The following RFTN1 variants were observed in gnomAD, a reference collection of about 807,000 sequenced individuals.
The protein encoded by RFTN1 is raftlin, lipid raft linker 1.
RFTN1 carries 26 observed loss-of-function variants against 46.5 expected under a neutral mutation model. The ratio of observed to expected loss-of-function variants is 0.56; its 90% CI spans 0.41 to 0.78. RFTN1 has a LOEUF of 0.78. RFTN1 is among the 30% of genes least tolerant of loss of function. The pLI is 0.00. For missense variants in RFTN1, 693 were observed against 718.7 expected (o/e 0.96, Z 0.41); for synonymous variants, 261 against 284.2 (o/e 0.92, Z 0.82).
At chr3:16,372,647 T>G (rs548934321) in intron 5 of RFTN1, among the ~76,000 whole-genome samples, 2 of 152,222 alleles carry the variant, frequency 1.3e-5, no homozygotes, top group South Asian at 4.1e-4. Flanking sequence ...TCCCACTCAA[T>G]GGCAAGACAG....
At chr3:16,323,518 A>G (rs367754242) in intron 8 of RFTN1, 61 bp from the exon 9 acceptor site, 4 of 1,206,334 alleles carry the variant, frequency 3.3e-6, no homozygotes, top group African/African-American at 1.6e-5. Context: ...AAAACCTGAC[A>G]CAGATGTTGC....
chr3:16,369,388 T>C (rs73041416), intron 6 of RFTN1, among the ~76,000 whole-genome samples: 1 of 152,194 alleles, frequency 6.6e-6, no homozygotes, highest in Non-Finnish European at 1.5e-5. Flanking sequence ...TGCTGGCACG[T>C]TGGTCCCACT....
intron 1 of RFTN1, among the ~76,000 whole-genome samples, chr3:16,497,597 C>G (rs775988931): frequency 6.6e-6 from 1 of 152,232 alleles, no homozygotes; most frequent in Admixed American, 6.5e-5. Flanking sequence ...CTGCTGCATA[C>G]TCAGGCAGAC....
In RFTN1 at chr3:16,458,433, C is replaced by T. The variant is rs1231561945; in HGVS notation, c.146-24396G>A. 1.3e-5 allele frequency among the ~76,000 whole-genome samples: 2 copies of T among 152,226 alleles called. No homozygotes were observed. The highest frequency in any genetic ancestry group is 3.8e-4 in the East Asian group (2 of 5,200). On this transcript the variant is annotated intron_variant, in intron 2 of 9. Transcript: ENST00000334133. This position sits in a 1 kb window ranked among gnomAD's most constrained non-coding sequence, Gnocchi z 5.1. Reference sequence around the variant, plus strand: ...GTTTCTCTCACTGACATTTGGAAGACATTTTCCCTCCTCATGATGTGAATT... The same window carrying T: ...GTTTCTCTCACTGACATTTGGAAGATATTTTCCCTCCTCATGATGTGAATT...
In RFTN1 at chr3:16,327,039, T is replaced by C. The variant is rs534434959; in HGVS notation, c.1147-163A>G. Among the ~76,000 whole-genome samples the C allele has an allele frequency of 2.3e-4, 35 of 152,346 alleles. No individual in the cohort carries two copies. The East Asian group carries it at 4.8e-3, about 21-fold the overall frequency. On this transcript the variant is annotated intron_variant, in intron 7 of 9. Coordinates refer to ENST00000334133, the MANE Select transcript of RFTN1 (RefSeq NM_015150.2). This position sits in a 1 kb window ranked among gnomAD's most constrained non-coding sequence, Gnocchi z 4.2. ...GATGCTTGCTGAAGACTTTAAAAGTTTGGAGTCAAACTGCCAACATGGGAT... is the reference window on the plus strand; with the variant it reads ...GATGCTTGCTGAAGACTTTAAAAGTCTGGAGTCAAACTGCCAACATGGGAT...
Position 16,334,438 on chromosome 3 carries a change from G to C in RFTN1, c.1147-7562C>G, listed in dbSNP as rs578145626. Among the ~76,000 whole-genome samples, 2 of 152,250 alleles carry C rather than the reference G, an allele frequency of 1.3e-5. No individual in the cohort carries two copies. The highest frequency in any genetic ancestry group is 4.8e-5 in the African/African-American group (2 of 41,540). ...ATTTAACCTACGTATTAAAAAATGAGAAATGCACAGAGTTATTCACTGGAG... is the reference window on the plus strand; with the variant it reads ...ATTTAACCTACGTATTAAAAAATGACAAATGCACAGAGTTATTCACTGGAG... On this transcript the variant is annotated intron_variant, in intron 7 of 9. Transcript: ENST00000334133. The surrounding 1 kb of genome is among the most constrained non-coding windows in gnomAD (Gnocchi z 4.3).
rs2075606301 is a variant in RFTN1, at chr3:16,440,785, A to C, written c.146-6748T>G. Among the ~76,000 whole-genome samples the C allele has an allele frequency of 6.6e-6, 1 of 152,044 alleles. No individual in the cohort carries two copies. Among genetic ancestry groups the C allele is most frequent in the African/African-American group, 2.4e-5 (1 of 41,388 alleles). On this transcript the variant is annotated intron_variant, in intron 2 of 9. Coordinates refer to ENST00000334133, the MANE Select transcript of RFTN1 (RefSeq NM_015150.2). This position sits in a 1 kb window ranked among gnomAD's most constrained non-coding sequence, Gnocchi z 4.6. ...TCTTTAAATGTGACAAGTAACTGTAATTTTTTTCTCAATCCCATATGGCCA... is the reference window on the plus strand; with the variant it reads ...TCTTTAAATGTGACAAGTAACTGTACTTTTTTTCTCAATCCCATATGGCCA...
chr3:16,494,811 T>A (rs1448151566), intron 1 of RFTN1, among the ~76,000 whole-genome samples: 3 of 152,176 alleles, frequency 2.0e-5, no homozygotes, highest in Non-Finnish European at 4.4e-5. Flanking sequence ...GATGCTTTCC[T>A]CCTCTCTGGG....
At chr3:16,339,154 C>T (rs541330035) in intron 7 of RFTN1, among the ~76,000 whole-genome samples, 3 of 152,338 alleles carry the variant, frequency 2.0e-5, no homozygotes, top group African/African-American at 7.2e-5. Flanking sequence ...CTCTCCCTAA[C>T]TTTCTCTGCC....
intron 2 of RFTN1, among the ~76,000 whole-genome samples, chr3:16,492,661 G>A (rs549792522): frequency 2.6e-5 from 4 of 152,282 alleles, no homozygotes; most frequent in South Asian, 4.1e-4. Context: ...CCCAGTTTTT[G>A]CTCTCAAACT....
At chr3:16,501,348 C>G (rs934475988) in intron 1 of RFTN1, among the ~76,000 whole-genome samples, 1 of 152,164 alleles carries the variant, frequency 6.6e-6, no homozygotes, top group African/African-American at 2.4e-5. Flanking sequence ...AAAGGATCAC[C>G]TTCTTAAAAG....
At position 16,342,021 on chromosome 3, in the gene RFTN1, A is replaced by T. The variant is rs2071349847; in HGVS notation, c.1147-15145T>A. On this transcript the variant is annotated intron_variant, in intron 7 of 9. Transcript: ENST00000334133. The surrounding 1 kb of genome is among the most constrained non-coding windows in gnomAD (Gnocchi z 4.0). ...AAATTATCTTTAATGACCACTTGTC[A>T]CTTTTTTCAACATCTTTATTGATAT... Among the ~76,000 whole-genome samples the T allele has an allele frequency of 2.6e-5, 4 of 152,180 alleles. No homozygotes were observed. The highest frequency in any genetic ancestry group is 1.3e-4 in the Admixed American group (2 of 15,276).
chr3:16,482,748 G>A (rs1199995369), intron 2 of RFTN1: 4 of 1,534,276 alleles, frequency 2.6e-6, no homozygotes, highest in Non-Finnish European at 3.5e-6. Flanking sequence ...ATCAATACCA[G>A]CAGCATCCAA....
intron 5 of RFTN1, among the ~76,000 whole-genome samples, chr3:16,377,133 A>G (rs548733655): frequency 6.6e-6 from 1 of 152,028 alleles, no homozygotes; most frequent in Non-Finnish European, 1.5e-5. Context: ...ACGGAGGGAA[A>G]CTTTGCTCCC....
Position 16,483,556 on chromosome 3 carries a change from C to A in RFTN1, c.145+10169G>T, listed in dbSNP as rs1055038508. Among the ~76,000 whole-genome samples the A allele has an allele frequency of 1.3e-5, 2 of 152,160 alleles. No individual in the cohort carries two copies. The highest frequency in any genetic ancestry group is 4.8e-5 in the African/African-American group (2 of 41,434). ...CAGCTGGGCATGGGAACTTTTTAAA[C>A]AAACTTTGAGAATCATTGTGTCACC... On this transcript the variant is annotated intron_variant, in intron 2 of 9. Coordinates refer to ENST00000334133, the MANE Select transcript of RFTN1 (RefSeq NM_015150.2). The surrounding 1 kb of genome is among the most constrained non-coding windows in gnomAD (Gnocchi z 4.8).
chr3:16,354,731 C>G (rs2125326721), intron 7 of RFTN1, among the ~76,000 whole-genome samples: 1 of 152,364 alleles, frequency 6.6e-6, no homozygotes. Flanking sequence ...TTTTCACAAT[C>G]TTTAAGCTCT....
rs919339334 is a variant in RFTN1 at position 16,429,806 on chromosome 3, G to A, written c.332+4045C>T. Among the ~76,000 whole-genome samples the A allele has an allele frequency of 1.3e-5, 2 of 152,156 alleles. No homozygotes were observed. Among genetic ancestry groups the A allele is most frequent in the Non-Finnish European group, 1.5e-5 (1 of 68,026 alleles). On this transcript the variant is annotated intron_variant, in intron 3 of 9. Transcript: ENST00000334133. The surrounding 1 kb of genome is among the most constrained non-coding windows in gnomAD (Gnocchi z 6.4). ...CCTCCAAACACATTAGGTTGATATC[G>A]AAGTTTCACAGAGTCATCTCATGGT...
chr3:16,426,793 A>G lies in RFTN1; in HGVS notation c.332+7058T>C, dbSNP rs1470537548. 6.6e-6 allele frequency among the ~76,000 whole-genome samples: 1 copy of G among 152,054 alleles called. No homozygotes were observed. The highest frequency in any genetic ancestry group is 6.6e-5 in the Admixed American group (1 of 15,250). On this transcript the variant is annotated intron_variant, in intron 3 of 9. Transcript: ENST00000334133. This position sits in a 1 kb window ranked among gnomAD's most constrained non-coding sequence, Gnocchi z 5.9. Reference sequence around the variant, plus strand: ...CGTAAACCAAAGACAGATCTATCTCATAATGAATTTATGGTCCTTTAGTAA... The same window carrying G: ...CGTAAACCAAAGACAGATCTATCTCGTAATGAATTTATGGTCCTTTAGTAA...
intron 9 of RFTN1, 142 bp downstream of exon 9, chr3:16,323,234 G>T: frequency 1.6e-6 from 1 of 629,806 alleles, no homozygotes; most frequent in Admixed American, 3.0e-5. Context: ...GATGTGATTC[G>T]GGTTGCCAGG....
Sources: gnomAD v4.1 joint callset for allele counts (sites outside exome capture counted in the v4.1 genomes callset) on GRCh38, gnomAD v4.1.1 for gene constraint, Gnocchi (gnomAD v3.1) non-coding constraint, MANE v1.5 for transcripts, NCBI Gene and HGNC (gene_info 2026-07-23, HGNC 2026-07-21) for gene names.